SLCO1B3: variants seen among roughly 807,000 people sequenced by gnomAD.
The protein encoded by SLCO1B3 is solute carrier organic anion transporter family member 1B3, also known as liver-specific organic anion transporter 2.
SLCO1B3 carries 72 observed loss-of-function variants against 71.8 expected under a neutral mutation model. The observed-to-expected ratio is 1.00, with a 90% CI of 0.83 to 1.22. The LOEUF is 1.22. Ranked by LOEUF, SLCO1B3 falls within the 50% of genes most tolerant of loss-of-function variation. The pLI, the probability that SLCO1B3 is intolerant of heterozygous loss-of-function variation, is 0.00. For missense variants in SLCO1B3, 911 were observed against 819.7 expected (o/e 1.11, Z -1.36); for synonymous variants, 298 against 278.4 (o/e 1.07, Z -0.70).
At chr12:20,844,354 G>T (rs1864864253) in intron 3 of SLCO1B3, among the ~76,000 whole-genome samples, 2 of 151,962 alleles carry the variant, frequency 1.3e-5, no homozygotes, top group Admixed American at 6.6e-5. Context: ...ATCACTTGAG[G>T]TTGGGAGTTC....
At position 20,846,953 on chromosome 12, in the gene SLCO1B3, A is replaced by T. The variant is rs554325536; in HGVS notation, c.85-8075A>T. On this transcript the variant is annotated intron_variant, in intron 3 of 15. Coordinates refer to ENST00000381545, the MANE Select transcript of SLCO1B3 (RefSeq NM_019844.4). ...AGTGACACATTAAAATCTCTCTGAC[A>T]ATTATGTACATTTGTATCTCTGTTT... 2.6e-5 allele frequency among the ~76,000 whole-genome samples: 4 copies of T among 152,188 alleles called. No homozygotes were observed. The South Asian group carries it at 8.3e-4, about 32-fold the overall frequency.
intron 8 of SLCO1B3, among the ~76,000 whole-genome samples, chr12:20,872,353 G>A (rs67588707): frequency 0.1 from 15,270 of 151,422 alleles, 1,054 homozygotes; most frequent in Middle Eastern, 0.22. Context: ...CCCAGGGCAG[G>A]TCTAGAAATG....
chr12:20,916,357 A>G lies in SLCO1B3; in HGVS notation c.*110A>G. ...CCAATGGATAAGTCTATGCATCTAT[A>G]ATAAACTATAAAAAATGGGAGTACC... On this transcript the variant is annotated 3_prime_UTR_variant, in exon 16 of 16. Coordinates refer to ENST00000381545, the MANE Select transcript of SLCO1B3 (RefSeq NM_019844.4). The G allele has an allele frequency of 9.8e-7, 1 of 1,016,956 alleles. No homozygotes were observed. The highest frequency in any genetic ancestry group is 1.6e-5 in the African/African-American group (1 of 61,786). 63.0% of individuals were successfully genotyped at this position (1,016,956 alleles called of 1,614,324 possible).
intron 3 of SLCO1B3, among the ~76,000 whole-genome samples, chr12:20,822,760 G>A (rs888032814): frequency 1.3e-5 from 2 of 151,022 alleles, no homozygotes; most frequent in African/African-American, 4.8e-5. Context: ...CTAGCTACCT[G>A]TGGAAATATT....
intron 13 of SLCO1B3, among the ~76,000 whole-genome samples, chr12:20,890,077 C>A (rs1028861297): frequency 6.6e-6 from 1 of 151,866 alleles, no homozygotes; most frequent in Non-Finnish European, 1.5e-5. Flanking sequence ...GCCACCACAC[C>A]CAGCTAATTT....
chr12:20,834,856 C>T (rs950343856), intron 3 of SLCO1B3, among the ~76,000 whole-genome samples: 1 of 152,178 alleles, frequency 6.6e-6, no homozygotes, highest in African/African-American at 2.4e-5. Context: ...CACAGCTCCA[C>T]TAGGCAGTGC....
intron 13 of SLCO1B3, among the ~76,000 whole-genome samples, chr12:20,897,847 G>A (rs1047341149): frequency 6.6e-6 from 1 of 152,172 alleles, no homozygotes; most frequent in African/African-American, 2.4e-5. Context: ...AAATGGAATT[G>A]TAGAAATGTA....
At chr12:20,819,103 C>G (rs111708574) in intron 3 of SLCO1B3, among the ~76,000 whole-genome samples, 1 of 152,068 alleles carries the variant, frequency 6.6e-6, no homozygotes, top group East Asian at 1.9e-4. Flanking sequence ...CCGCTGCACG[C>G]GGACATGAGG....
chr12:20,863,479 G>A (rs775681861), intron 8 of SLCO1B3, among the ~76,000 whole-genome samples: 14 of 152,004 alleles, frequency 9.2e-5, no homozygotes, highest in Admixed American at 3.3e-4. Flanking sequence ...TATCTGCCTC[G>A]ACTTCAGGCC....
intron 9 of SLCO1B3, 83 bp from the exon 10 acceptor site, chr12:20,877,687 TAA>T (rs1362521430): frequency 2.0e-5 from 11 of 544,484 alleles, no homozygotes; most frequent in African/African-American, 4.0e-5. Flanking sequence ...TTTGTAACTT[TAA>T]GTCTTATATA....
intron 10 of SLCO1B3, among the ~76,000 whole-genome samples, chr12:20,878,416 A>G (rs1481271735): frequency 6.6e-6 from 1 of 152,160 alleles, no homozygotes; most frequent in Non-Finnish European, 1.5e-5. Context: ...AACAAATGTC[A>G]TATTTTAGAG....
Position 20,898,485 on chromosome 12 carries a change from G to T in SLCO1B3, c.1732G>T (p.Val578Phe), listed in dbSNP as rs1866061714. 3 of 1,574,724 alleles carry T rather than the reference G, an allele frequency of 1.9e-6. No individual in the cohort carries two copies. The African/African-American group carries it at 4.0e-5, about 21-fold the overall frequency. ...ACTTGCAATGGGTTTCCAGTCAATG[G>T]TTATAAGAACACTAGGTATGACAAA... ...KALAMGFQSMVIRTLGGILAP... is the reference protein window; with the variant it reads ...KALAMGFQSMFIRTLGGILAP... Residue 578 changes from valine (V) to phenylalanine (F), a missense_variant, in exon 14 of 16, where the codon GTT (valine) becomes TTT (phenylalanine). Coordinates refer to ENST00000381545, the MANE Select transcript of SLCO1B3 (RefSeq NM_019844.4).
At chr12:20,825,303 C>T (rs544238711) in intron 3 of SLCO1B3, among the ~76,000 whole-genome samples, 2 of 152,246 alleles carry the variant, frequency 1.3e-5, no homozygotes, top group East Asian at 3.9e-4. Context: ...TATAATTTCA[C>T]AGACGCATGT....
intron 7 of SLCO1B3, 86 bp from the exon 8 acceptor site, chr12:20,862,670 T>C: frequency 7.0e-7 from 1 of 1,425,248 alleles, no homozygotes; most frequent in Non-Finnish European, 9.7e-7. Flanking sequence ...TGCAGAAGTG[T>C]ATTGTATAAT....
chr12:20,831,874 G>A (rs1485441836), intron 3 of SLCO1B3, among the ~76,000 whole-genome samples: 1 of 152,138 alleles, frequency 6.6e-6, no homozygotes, highest in Middle Eastern at 3.2e-3. Flanking sequence ...CTATATATGA[G>A]ATATTGCGCT....
chr12:20,915,891 G>A (rs1170930613), intron 15 of SLCO1B3, 113 bp from the exon 16 acceptor site: 6 of 685,124 alleles, frequency 8.8e-6, no homozygotes, highest in South Asian at 2.2e-5. Flanking sequence ...CTTAATATTT[G>A]TATGTGTAAC....
At chr12:20,870,793 T>A (rs555668773) in intron 8 of SLCO1B3, among the ~76,000 whole-genome samples, 5 of 152,332 alleles carry the variant, frequency 3.3e-5, no homozygotes, top group Admixed American at 6.5e-5. Flanking sequence ...TTGCTTTGGC[T>A]ATTTGAGGTC....
At chr12:20,877,966 A>T in intron 10 of SLCO1B3, 30 bp downstream of exon 10, 1 of 1,494,740 alleles carries the variant, frequency 6.7e-7, no homozygotes, top group Non-Finnish European at 9.1e-7. Flanking sequence ...TGTTTGCTTG[A>T]TAAATGAAAC....
At chr12:20,870,419 A>G (rs1173937636) in intron 8 of SLCO1B3, among the ~76,000 whole-genome samples, 1 of 152,174 alleles carries the variant, frequency 6.6e-6, no homozygotes, top group Non-Finnish European at 1.5e-5. Flanking sequence ...GACAAATGTA[A>G]TGAAATTCTT....
Sources: allele counts gnomAD v4.1 joint callset (sites outside exome capture counted in the v4.1 genomes callset), GRCh38; gene constraint gnomAD v4.1.1; transcripts MANE v1.5; gene names NCBI Gene and HGNC (gene_info 2026-07-23, HGNC 2026-07-21).